The following PATL1 variants were observed in gnomAD, a reference collection of about 807,000 sequenced individuals.
The protein encoded by PATL1 is PAT1 homolog 1, processing body mRNA decay factor.
PATL1 carries 32 observed loss-of-function variants against 100.6 expected under a neutral mutation model. That is an observed-to-expected ratio of 0.32 (90% CI 0.24 to 0.43). PATL1 has a LOEUF of 0.43. Among genes scored for constraint, PATL1 ranks in the 20% least tolerant of loss-of-function variants. The pLI is 1.00. For missense variants in PATL1, 747 were observed against 949.9 expected (o/e 0.79, Z 2.81); for synonymous variants, 332 against 330.0 (o/e 1.01, Z -0.07).
chr11:59,650,710 G>A, intron 13 of PATL1, 44 bp downstream of exon 13: 2 of 1,369,468 alleles, frequency 1.5e-6, no homozygotes, highest in Non-Finnish European at 2.0e-6. Flanking sequence ...ACATTTGACA[G>A]TTCCGTATTT....
At chr11:59,643,223 A>G (rs937539482) in intron 15 of PATL1, among the ~76,000 whole-genome samples, 188 bp from the exon 16 acceptor site, 1 of 152,052 alleles carries the variant, frequency 6.6e-6, no homozygotes, top group Non-Finnish European at 1.5e-5. Flanking sequence ...CTCAATTTGC[A>G]TTGGAAACAC....
chr11:59,654,595 T>C (rs1302850160), intron 8 of PATL1, among the ~76,000 whole-genome samples: 3 of 152,058 alleles, frequency 2.0e-5, no homozygotes, highest in African/African-American at 7.2e-5. Flanking sequence ...AAAAGGGTGA[T>C]CATGAAATCT....
In PATL1 at chr11:59,668,931, G is replaced by A. The variant is rs1031928571; in HGVS notation, c.-36C>T. The A allele has an allele frequency of 1.1e-5, 5 of 435,882 alleles. No individual in the cohort carries two copies. Among genetic ancestry groups the A allele is most frequent in the East Asian group, 8.2e-5 (2 of 24,364 alleles). 27.0% of individuals were successfully genotyped at this position (435,882 alleles called of 1,614,324 possible). On this transcript the variant is annotated 5_prime_UTR_variant, in exon 1 of 19. Transcript: ENST00000300146. ...GGGGGCAGGGAGCGGGGAGGGGAGA[G>A]GGGGAGGGAGGGAAGAAGCGCTGAC...
At chr11:59,664,826 TC>T (rs1330771112) in intron 2 of PATL1, among the ~76,000 whole-genome samples, 1 of 152,226 alleles carries the variant, frequency 6.6e-6, no homozygotes, top group Non-Finnish European at 1.5e-5. Context: ...TGCCTTGACC[TC>T]CCAAAGTGCT....
chr11:59,640,442 G>A (rs1328136806), intron 16 of PATL1, among the ~76,000 whole-genome samples: 6 of 147,916 alleles, frequency 4.1e-5, no homozygotes, highest in East Asian at 4.1e-4. Context: ...AATATGGGAC[G>A]GGCGTGGTGG....
chr11:59,649,388 A>C, intron 14 of PATL1, 74 bp downstream of exon 14: 1 of 1,536,012 alleles, frequency 6.5e-7, no homozygotes. Flanking sequence ...CCTAAAAGGC[A>C]AAAATGTATG....
intron 2 of PATL1, among the ~76,000 whole-genome samples, chr11:59,664,779 A>C (rs890732098): frequency 3.3e-5 from 5 of 152,140 alleles, no homozygotes; most frequent in African/African-American, 1.2e-4. Context: ...TATGTTGCCG[A>C]GGATGGTCTT....
intron 9 of PATL1, 140 bp from the exon 10 acceptor site, chr11:59,653,158 C>T: frequency 2.9e-6 from 2 of 700,458 alleles, no homozygotes; most frequent in Non-Finnish European, 4.6e-6. Flanking sequence ...TGAAAAAGAA[C>T]TAAGTCTTAA....
chr11:59,639,233 A>C lies in PATL1; in HGVS notation c.2142-36T>G, dbSNP rs1386595919. ...AGACCCATAATAATATCAGGAGAAA[A>C]AAATTTAAAAGATTACCTCAAAGAA... On this transcript the variant is annotated intron_variant, in intron 17 of 18. Transcript: ENST00000300146. The C allele has an allele frequency of 3.1e-6, 5 of 1,602,174 alleles. No homozygotes were observed. The Admixed American group carries it at 7.0e-5, about 22-fold the overall frequency.
Position 59,668,806 on chromosome 11 carries a change from C to T in PATL1, c.15+75G>A, listed in dbSNP as rs999255140. The stretch of plus-strand genomic sequence containing the variant: ...CCCCCTGCCCCGCAGGAACACAGGA[C>T]CGGCGCGCGGAGAGAGAGTGAGGGA... On this transcript the variant is annotated intron_variant, in intron 1 of 18. Coordinates refer to ENST00000300146, the MANE Select transcript of PATL1 (RefSeq NM_152716.3). 3.7e-5 allele frequency: 29 copies of T among 781,076 alleles called. No individual in the cohort carries two copies. In the Admixed American group the frequency reaches 3.8e-4, roughly 10 times the overall value. 48.4% of individuals were successfully genotyped at this position (781,076 alleles called of 1,614,324 possible).
intron 15 of PATL1, 52 bp from the exon 16 acceptor site, chr11:59,643,087 C>A: frequency 6.4e-7 from 1 of 1,571,170 alleles, no homozygotes. Flanking sequence ...ACTTCAGTTA[C>A]CCCCCACCAG....
chr11:59,668,807 C>T (rs1032039633), intron 1 of PATL1, 74 bp downstream of exon 1: 4 of 705,808 alleles, frequency 5.7e-6, no homozygotes, highest in Non-Finnish European at 9.3e-6. Flanking sequence ...AACACAGGAC[C>T]GGCGCGCGGA....
At chr11:59,647,700 A>G in intron 15 of PATL1, 54 bp downstream of exon 15, 1 of 1,569,790 alleles carries the variant, frequency 6.4e-7, no homozygotes, top group Non-Finnish European at 8.7e-7. Context: ...GCATTCTAGA[A>G]ATCTTATCAC....
At chr11:59,650,276 G>A (rs1179747652) in intron 13 of PATL1, among the ~76,000 whole-genome samples, 6 of 152,170 alleles carry the variant, frequency 3.9e-5, no homozygotes, top group Non-Finnish European at 7.3e-5. Context: ...ATGATTTGCA[G>A]CTTGGTTCTA....
intron 15 of PATL1, among the ~76,000 whole-genome samples, chr11:59,645,567 T>C (rs1054823619): frequency 2.0e-5 from 3 of 152,026 alleles, no homozygotes; most frequent in African/African-American, 7.2e-5. Flanking sequence ...CCATGACATT[T>C]GGTTGTAATG....
intron 2 of PATL1, among the ~76,000 whole-genome samples, chr11:59,661,276 G>A (rs1861621488): frequency 6.6e-6 from 1 of 151,976 alleles, no homozygotes; most frequent in South Asian, 2.1e-4. Context: ...TGTAGAGTCG[G>A]GGTTTCCCCA....
intron 13 of PATL1, 98 bp downstream of exon 13, chr11:59,650,656 G>T: frequency 2.4e-6 from 2 of 828,952 alleles, no homozygotes; most frequent in South Asian, 1.9e-5. Context: ...TAAAACCAAA[G>T]AACATTGACT....
At chr11:59,638,540 A>T in intron 18 of PATL1, 129 bp from the exon 19 acceptor site, 2 of 890,598 alleles carry the variant, frequency 2.2e-6, no homozygotes, top group Non-Finnish European at 1.8e-6. Context: ...CTCTACCCTT[A>T]GCATTTGGTC....
chr11:59,659,484 A>G lies in PATL1; in HGVS notation c.128-15T>C, dbSNP rs377344736. 4.5e-6 allele frequency: 7 copies of G among 1,542,716 alleles called. No individual in the cohort carries two copies. The African/African-American group carries it at 9.6e-5, about 21-fold the overall frequency. ...CCAATCATCATCTATAAGATGACAC[A>G]GTTCATGTAAGAAATAGTTCATAGT... On this transcript the variant is annotated splice_polypyrimidine_tract_variant and intron_variant, in intron 2 of 18. Coordinates refer to ENST00000300146, the MANE Select transcript of PATL1 (RefSeq NM_152716.3).
Sources: allele counts gnomAD v4.1 joint callset (sites outside exome capture counted in the v4.1 genomes callset), GRCh38; gene constraint gnomAD v4.1.1; transcripts MANE v1.5; gene names NCBI Gene and HGNC (gene_info 2026-07-23, HGNC 2026-07-21).